Variants in HACL1 observed in about 807,000 individuals in gnomAD.
HACL1 encodes 1600020H07Rik.
HACL1 carries 64 observed loss-of-function variants against 74.2 expected under a neutral mutation model. The observed-to-expected ratio is 0.86, with a 90% CI of 0.70 to 1.06. The LOEUF (loss-of-function observed/expected upper bound fraction) is 1.06, where lower values mean the gene tolerates loss of function less well. HACL1 is among the 50% of genes least tolerant of loss of function. The pLI is 0.00. For synonymous variants in HACL1, 230 were observed against 238.8 expected (o/e 0.96, Z 0.34); for missense variants, 728 against 719.7 (o/e 1.01, Z -0.13).
chr3:15,563,210 T>G, intron 16 of HACL1, 148 bp downstream of exon 16: 1 of 616,292 alleles, frequency 1.6e-6, no homozygotes, highest in East Asian at 2.7e-5. Context: ...CAATATTCAC[T>G]GAACAAGTAC....
chr3:15,573,764 CAT>C (rs1021646996), intron 10 of HACL1, among the ~76,000 whole-genome samples: 1 of 152,210 alleles, frequency 6.6e-6, no homozygotes, highest in African/African-American at 2.4e-5. Context: ...CAGGGAACCA[CAT>C]TTAGAGAACA....
At position 15,585,311 on chromosome 3, in the gene HACL1, C is replaced by T. The variant is rs1282891772; in HGVS notation, c.491G>A (p.Gly164Asp). Residue 164 changes from glycine (G) to aspartate (D), a missense_variant, in exon 7 of 17, where the codon GGT becomes GAT. Coordinates refer to ENST00000321169, the MANE Select transcript of HACL1 (RefSeq NM_012260.4). ...AVRSSIYGRP[G>D]ACYVDIPADF... is the part of the protein sequence containing the mutation. ...TGCTGGTATGTCAACATAGCAAGCA[C>T]CTGGACGACCATAGATACTGCTTCT... The T allele has an allele frequency of 2.5e-6, 4 of 1,605,080 alleles. No individual in the cohort carries two copies. Among genetic ancestry groups the T allele is most frequent in the Non-Finnish European group, 3.4e-6 (4 of 1,171,950 alleles).
At chr3:15,567,099 C>T (rs1268146241) in intron 14 of HACL1, among the ~76,000 whole-genome samples, 2 of 151,724 alleles carry the variant, frequency 1.3e-5, no homozygotes, top group African/African-American at 2.4e-5. Flanking sequence ...GGATTACGGG[C>T]ATGAGCTACC....
intron 7 of HACL1, among the ~76,000 whole-genome samples, chr3:15,584,069 A>G (rs900936727): frequency 2.6e-5 from 4 of 152,188 alleles, no homozygotes; most frequent in Non-Finnish European, 5.9e-5. Flanking sequence ...GTCCTGTGCT[A>G]TTTCATTTAT....
intron 9 of HACL1, among the ~76,000 whole-genome samples, chr3:15,576,575 G>A (rs1037971056): frequency 2.0e-5 from 3 of 151,836 alleles, no homozygotes; most frequent in African/African-American, 7.3e-5. Flanking sequence ...GTATCATTAC[G>A]TTTCCGATGT....
intron 12 of HACL1, among the ~76,000 whole-genome samples, chr3:15,569,702 T>C (rs1011046749): frequency 2.0e-5 from 3 of 151,868 alleles, no homozygotes; most frequent in Non-Finnish European, 4.4e-5. Context: ...ATGCCTGTAA[T>C]CCAGCTACTC....
intron 12 of HACL1, among the ~76,000 whole-genome samples, chr3:15,568,814 A>T (rs116223117): frequency 0.021 from 3,250 of 152,332 alleles, 50 homozygotes; most frequent in Non-Finnish European, 0.033. Context: ...AAGCTCGGGA[A>T]TATCCCGCCT....
At chr3:15,591,083 A>T (rs1574939105) in intron 4 of HACL1, among the ~76,000 whole-genome samples, 1 of 152,204 alleles carries the variant, frequency 6.6e-6, no homozygotes. Context: ...CGTCTCAAAA[A>T]AAGAAAGTGT....
chr3:15,575,574 T>C lies in HACL1; in HGVS notation c.804-492A>G, dbSNP rs796842755. Among the ~76,000 whole-genome samples, 4 of 152,250 alleles carry C rather than the reference T, an allele frequency of 2.6e-5. No homozygotes were observed. The South Asian group carries it at 6.2e-4, about 24-fold the overall frequency. ...ATTTTGTTTTGAGACAGGGTCTCTC[T>C]CTCTTTTGCCCGGGCTGGAATGCAG... On this transcript the variant is annotated intron_variant, in intron 9 of 16. Transcript: ENST00000321169.
At chr3:15,568,349 C>A in intron 13 of HACL1, 83 bp downstream of exon 13, 3 of 849,038 alleles carry the variant, frequency 3.5e-6, no homozygotes, top group Admixed American at 4.9e-5. Flanking sequence ...AATTCTCAAA[C>A]GTCTTCTTAA....
chr3:15,593,811 T>C (rs1469084555), intron 3 of HACL1, among the ~76,000 whole-genome samples: 1 of 150,476 alleles, frequency 6.6e-6, no homozygotes, highest in Non-Finnish European at 1.5e-5. Flanking sequence ...TTTTTTTTTT[T>C]TTTGAGACGA....
At chr3:15,579,668 A>G (rs1352862569) in intron 9 of HACL1, among the ~76,000 whole-genome samples, 1 of 152,226 alleles carries the variant, frequency 6.6e-6, no homozygotes, top group East Asian at 1.9e-4. Flanking sequence ...AAAACAAAAG[A>G]CAAAGGAAAA....
rs2063462246 is a variant in HACL1 at position 15,567,786 on chromosome 3, G to A, written c.1409+58C>T. 6 of 1,476,020 alleles carry A rather than the reference G, an allele frequency of 4.1e-6. No homozygotes were observed. In the African/African-American group the frequency reaches 6.9e-5, roughly 17 times the overall value. 91.4% of individuals were successfully genotyped at this position (1,476,020 alleles called of 1,614,324 possible). ...AGTATTTGTCAGGTGACTGGGTCTT[G>A]TGTGTCATTTTTCATATTCTAGAGA... On this transcript the variant is annotated intron_variant, in intron 14 of 16. Coordinates refer to ENST00000321169, the MANE Select transcript of HACL1 (RefSeq NM_012260.4).
intron 7 of HACL1, among the ~76,000 whole-genome samples, chr3:15,583,909 G>T (rs1159373526): frequency 2.0e-5 from 3 of 151,830 alleles, no homozygotes; most frequent in Non-Finnish European, 4.4e-5. Context: ...CACCCACCTC[G>T]GCCTCCCAAA....
chr3:15,579,225 T>C (rs2063680542), intron 9 of HACL1, among the ~76,000 whole-genome samples: 1 of 152,012 alleles, frequency 6.6e-6, no homozygotes. Flanking sequence ...AATTACTCAG[T>C]ACAAAAAGAG....
intron 2 of HACL1, 48 bp downstream of exon 2, chr3:15,601,042 T>A: frequency 8.9e-7 from 1 of 1,125,310 alleles, no homozygotes; most frequent in South Asian, 1.2e-5. Context: ...CTACCGCTAT[T>A]ACTGATCATT....
chr3:15,598,823 CATAG>C (rs2064122953), intron 2 of HACL1, among the ~76,000 whole-genome samples: 1 of 152,200 alleles, frequency 6.6e-6, no homozygotes, highest in Non-Finnish European at 1.5e-5. Flanking sequence ...CTTTGACTAC[CATAG>C]AGTCAGGATG....
At chr3:15,586,148 T>C (rs1347131870) in intron 6 of HACL1, among the ~76,000 whole-genome samples, 1 of 152,192 alleles carries the variant, frequency 6.6e-6, no homozygotes, top group Non-Finnish European at 1.5e-5. Flanking sequence ...TATGCTGTAT[T>C]AATTAACTAA....
At chr3:15,599,562 AACCT>A (rs988381630) in intron 2 of HACL1, among the ~76,000 whole-genome samples, 61 of 152,006 alleles carry the variant, frequency 4.0e-4, no homozygotes, top group African/African-American at 1.3e-3. Context: ...ACCTCCCCTC[AACCT>A]ACCTACCAGT....
Sources: allele counts gnomAD v4.1 joint callset (sites outside exome capture counted in the v4.1 genomes callset), GRCh38; gene constraint gnomAD v4.1.1; transcripts MANE v1.5; gene names NCBI Gene and HGNC (gene_info 2026-07-23, HGNC 2026-07-21).